The following INTS13 variants were observed in gnomAD, a reference collection of about 807,000 sequenced individuals.
INTS13 encodes asunder, spermatogenesis regulator homolog (Drosphila).
A neutral mutation model predicts 90.2 loss-of-function variants in INTS13; 35 were observed. That is an observed-to-expected ratio of 0.39 (90% confidence interval 0.30 to 0.51). The LOEUF (loss-of-function observed/expected upper bound fraction) is 0.51. INTS13 is among the 20% of genes least tolerant of loss of function. INTS13 has a pLI of 0.80. For missense variants in INTS13, 601 were observed against 851.2 expected, an observed-to-expected ratio of 0.71 and a Z score of 3.66; for synonymous variants, 309 against 277.1, an observed-to-expected ratio of 1.11 and a Z score of -1.14.
At chr12:26,910,835 G>C (rs2137413668) in intron 15 of INTS13, among the ~76,000 whole-genome samples, 1 of 151,840 alleles carries the variant, frequency 6.6e-6, no homozygotes, top group Non-Finnish European at 1.5e-5. Context: ...AGCTTCATTG[G>C]AAAATTTTTT....
intron 3 of INTS13, among the ~76,000 whole-genome samples, chr12:26,933,714 A>G (rs1426702713): frequency 6.6e-6 from 1 of 152,242 alleles, no homozygotes; most frequent in Non-Finnish European, 1.5e-5. Context: ...AAACTGGAGC[A>G]GAAGACTGTG....
At chr12:26,917,972 A>T (rs1474847882) in intron 8 of INTS13, among the ~76,000 whole-genome samples, 1 of 152,070 alleles carries the variant, frequency 6.6e-6, no homozygotes, top group African/African-American at 2.4e-5. Flanking sequence ...AACTACAGAA[A>T]TGTGCCAGGC....
intron 12 of INTS13, 40 bp downstream of exon 12, chr12:26,914,368 A>T: frequency 6.4e-7 from 1 of 1,554,304 alleles, no homozygotes; most frequent in East Asian, 2.3e-5. Flanking sequence ...AAGAATATAT[A>T]ACTAATCTAT....
At position 26,913,988 on chromosome 12, in the gene INTS13, T is replaced by G; in HGVS notation, c.1560A>C (p.Gly520=). ...AAAAAATGTACCTTTTAGGGCCCTT[T>G]CCTCTTGTACCAACTGTGGAAATAG... ...PLPISTVGTR[G]KGPKRDEQYR... is the part of the protein sequence containing the mutation. The change falls in exon 13 of 17, where the codon GGA becomes GGC. Residue 520 remains glycine, a synonymous_variant. Coordinates refer to ENST00000261191, the MANE Select transcript of INTS13 (RefSeq NM_018164.3). 1.2e-6 allele frequency: 2 copies of G among 1,606,410 alleles called. No individual in the cohort carries two copies. Among genetic ancestry groups the G allele is most frequent in the Non-Finnish European group, 1.7e-6 (2 of 1,178,224 alleles).
Position 26,928,777 on chromosome 12 carries a change from A to T in INTS13, c.429T>A (p.Ala143=). ...LCKITEYQHE[A]RTLLMENAER... is the part of the protein sequence containing the mutation. ...CTGCATTCTCCATGAGTAGAGTACG[A>T]GCCTCATGTTGGTATTCAGTAATTT... The change falls in exon 4 of 17, where the codon GCT becomes GCA. Residue 143 remains alanine (A), a synonymous_variant. Transcript: ENST00000261191. 1 of 1,614,164 alleles carries T rather than the reference A, an allele frequency of 6.2e-7. No individual in the cohort carries two copies. The highest frequency in any genetic ancestry group is 8.5e-7 in the Non-Finnish European group (1 of 1,180,034).
Position 26,934,571 on chromosome 12 carries a change from GTCT to G in INTS13, c.282_284del (p.Glu94del), listed in dbSNP as rs1445365687. On this transcript the variant is annotated inframe_deletion, in exon 3 of 17. Coordinates refer to ENST00000261191, the MANE Select transcript of INTS13 (RefSeq NM_018164.3). ...CTAACCATACCTCCTGTAAATTTTG[GTCT>G]TCTTGAGTCCAAGAATTTAAAACAT... is the stretch of plus-strand genomic sequence containing the variant. 3 of 1,612,114 alleles carry G rather than the reference GTCT, an allele frequency of 1.9e-6. No homozygotes were observed. The African/African-American group carries it at 4.0e-5, about 22-fold the overall frequency.
At chr12:26,923,164 T>C (rs1475203606) in intron 7 of INTS13, among the ~76,000 whole-genome samples, 1 of 152,132 alleles carries the variant, frequency 6.6e-6, no homozygotes, top group Non-Finnish European at 1.5e-5. Flanking sequence ...AGTAACTTGT[T>C]TTCAGTAATA....
chr12:26,914,309 T>C, intron 12 of INTS13, 99 bp downstream of exon 12: 1 of 1,312,042 alleles, frequency 7.6e-7, no homozygotes, highest in Non-Finnish European at 1.0e-6. Flanking sequence ...TATTTCATTC[T>C]TTGCTTAAGA....
rs1938021430 is a variant in INTS13, at chr12:26,928,690, A to C, written c.503+13T>G. ...TTCCCACAGTGAAAGAATTGCTATAATCAACACCTCACCTTTTTGCATTAG... is the reference window on the plus strand; with the variant it reads ...TTCCCACAGTGAAAGAATTGCTATACTCAACACCTCACCTTTTTGCATTAG... On this transcript the variant is annotated intron_variant, in intron 4 of 16. Coordinates refer to ENST00000261191, the MANE Select transcript of INTS13 (RefSeq NM_018164.3). 6.2e-7 allele frequency: 1 copy of C among 1,612,818 alleles called. No homozygotes were observed. Among genetic ancestry groups the C allele is most frequent in the African/African-American group, 1.3e-5 (1 of 74,928 alleles).
At chr12:26,908,537 G>GT (rs566427446) in intron 15 of INTS13, among the ~76,000 whole-genome samples, 2,454 of 143,438 alleles carry the variant, frequency 0.017, 26 homozygotes, top group South Asian at 0.039. Context: ...GGTTATTTTG[G>GT]TTTTTTTTTT....
intron 8 of INTS13, 108 bp from the exon 9 acceptor site, chr12:26,917,841 C>T (rs1207714820): frequency 2.0e-5 from 16 of 805,378 alleles, no homozygotes; most frequent in South Asian, 1.8e-4. Flanking sequence ...ATAATAAAAG[C>T]GGCCGGGTGC....
At position 26,911,314 on chromosome 12, in the gene INTS13, T is replaced by C; in HGVS notation, c.1809A>G (p.Leu603=). 6.2e-7 allele frequency: 1 copy of C among 1,607,412 alleles called. No individual in the cohort carries two copies. The highest frequency in any genetic ancestry group is 8.5e-7 in the Non-Finnish European group (1 of 1,178,018). ...QEKSWQDSER[L]KGILERGKEE... ...CTTTTCCACGCTCTAAGATTCCTTT[T>C]AATCTTTTAGAGGGACAAATAATGA... Residue 603 remains leucine, a synonymous_variant, in exon 15 of 17, where the codon TTA becomes TTG. Transcript: ENST00000261191.
At chr12:26,937,297 G>C (rs141864373) in intron 1 of INTS13, among the ~76,000 whole-genome samples, 1 of 152,268 alleles carries the variant, frequency 6.6e-6, no homozygotes, top group Non-Finnish European at 1.5e-5. Context: ...TAACAGGAAA[G>C]AGGAGTGACA....
At chr12:26,936,893 C>T in intron 1 of INTS13, 79 bp from the exon 2 acceptor site, 1 of 951,906 alleles carries the variant, frequency 1.1e-6, no homozygotes, top group Admixed American at 2.3e-5. Flanking sequence ...AGAAGATTGT[C>T]TTTCCCTCAA....
chr12:26,917,555 C>T (rs948263366), intron 9 of INTS13, 89 bp downstream of exon 9: 6 of 1,354,566 alleles, frequency 4.4e-6, no homozygotes, highest in Non-Finnish European at 6.2e-6. Context: ...CAATGAAAAA[C>T]GAAAATGCAA....
At chr12:26,907,987 G>A (rs187124040) in intron 15 of INTS13, among the ~76,000 whole-genome samples, 1 of 152,228 alleles carries the variant, frequency 6.6e-6, no homozygotes, top group Non-Finnish European at 1.5e-5. Flanking sequence ...ACTGGTGGTG[G>A]GAATGCAAAA....
intron 10 of INTS13, among the ~76,000 whole-genome samples, chr12:26,916,425 A>C (rs1951937756): frequency 6.6e-6 from 1 of 152,214 alleles, no homozygotes; most frequent in Admixed American, 6.5e-5. Flanking sequence ...GGTCTCTGGC[A>C]TAATACGTTT....
At chr12:26,932,579 T>C (rs1938254401) in intron 3 of INTS13, among the ~76,000 whole-genome samples, 1 of 152,216 alleles carries the variant, frequency 6.6e-6, no homozygotes, top group Non-Finnish European at 1.5e-5. Context: ...AAATCACTAC[T>C]GCGCAATAGA....
chr12:26,928,375 A>G, intron 4 of INTS13, 90 bp from the exon 5 acceptor site: 1 of 1,014,756 alleles, frequency 9.9e-7, no homozygotes, highest in Non-Finnish European at 1.5e-6. Flanking sequence ...ATGGTGTTAT[A>G]GACATTTAAA....
Sources: gnomAD v4.1 joint callset for allele counts (sites outside exome capture counted in the v4.1 genomes callset) on GRCh38, gnomAD v4.1.1 for gene constraint, MANE v1.5 for transcripts, NCBI Gene and HGNC (gene_info 2026-07-23, HGNC 2026-07-21) for gene names.